Variants in VAV3 observed in about 807,000 individuals in gnomAD.
VAV3 encodes the protein guanine nucleotide exchange factor VAV3.
A neutral mutation model predicts 131.2 loss-of-function variants in VAV3; 94 were observed. The ratio of observed to expected loss-of-function variants is 0.72; its 90% CI spans 0.61 to 0.85. VAV3 has a LOEUF of 0.85. VAV3 is among the 40% of genes least tolerant of loss of function. The pLI is 0.00. For synonymous variants in VAV3, 349 were observed against 342.0 expected, an observed-to-expected ratio of 1.02 and a Z score of -0.22; for missense variants, 939 against 1,002.7, an observed-to-expected ratio of 0.94 and a Z score of 0.86.
chr1:107,702,492 C>A (rs562039008), intron 17 of VAV3, among the ~76,000 whole-genome samples: 98 of 152,216 alleles, frequency 6.4e-4, no homozygotes, highest in African/African-American at 2.2e-3. Context: ...AGGATTCAAA[C>A]AGACCAAGAC....
At chr1:107,750,627 A>G (rs1663659523) in intron 13 of VAV3, among the ~76,000 whole-genome samples, 1 of 152,136 alleles carries the variant, frequency 6.6e-6, no homozygotes, top group African/African-American at 2.4e-5. Flanking sequence ...TCAACCACAA[A>G]AACCTCTGTT....
intron 17 of VAV3, among the ~76,000 whole-genome samples, chr1:107,692,366 A>G (rs1659482836): frequency 6.6e-6 from 1 of 152,186 alleles, no homozygotes; most frequent in Non-Finnish European, 1.5e-5. Flanking sequence ...TCCAATTCAC[A>G]TTAATAATTA....
At chr1:107,842,010 A>G (rs1167932689) in intron 2 of VAV3, among the ~76,000 whole-genome samples, 1 of 152,190 alleles carries the variant, frequency 6.6e-6, no homozygotes. Flanking sequence ...AGACAGCATT[A>G]TTCTAGTTTC....
At chr1:107,701,062 C>CTT (rs35657301) in intron 17 of VAV3, among the ~76,000 whole-genome samples, 8 of 151,082 alleles carry the variant, frequency 5.3e-5, no homozygotes, top group South Asian at 2.1e-4. Flanking sequence ...TCATGTTGAG[C>CTT]TTTTTTTTTC....
intron 15 of VAV3, among the ~76,000 whole-genome samples, chr1:107,739,324 A>C (rs1662871492): frequency 6.6e-6 from 1 of 152,076 alleles, no homozygotes; most frequent in South Asian, 2.1e-4. Flanking sequence ...CTATTGAAAG[A>C]CTCCATTTCA....
At position 107,944,891 on chromosome 1, in the gene VAV3, C is replaced by T. The variant is rs1365947647; in HGVS notation, c.204+19775G>A. On this transcript the variant is annotated intron_variant, in intron 1 of 26. Transcript: ENST00000370056. ...AAAGTGCTAGGATTACAGGAATGAG[C>T]GACTGTGCCCAGCCACAAAATGCAG... 3.3e-5 allele frequency among the ~76,000 whole-genome samples: 5 copies of T among 152,294 alleles called. No homozygotes were observed. In the South Asian group the frequency reaches 8.3e-4, roughly 25 times the overall value.
intron 1 of VAV3, among the ~76,000 whole-genome samples, chr1:107,942,461 T>C (rs900579766): frequency 1.3e-5 from 2 of 152,148 alleles, no homozygotes; most frequent in Admixed American, 1.3e-4. Flanking sequence ...CTGAACCTGG[T>C]AAAAAAATTT....
intron 15 of VAV3, among the ~76,000 whole-genome samples, chr1:107,721,115 T>G (rs1007308585): frequency 1.5e-4 from 23 of 152,188 alleles, no homozygotes; most frequent in Admixed American, 2.6e-4. Context: ...GAGAATCCTT[T>G]ATGGTTTCAT....
chr1:107,851,014 G>C (rs1192068090), intron 2 of VAV3, among the ~76,000 whole-genome samples: 2 of 152,064 alleles, frequency 1.3e-5, no homozygotes, highest in Admixed American at 1.3e-4. Flanking sequence ...AGAAAGAGCA[G>C]CAGGGGCCCA....
At chr1:107,823,813 T>A (rs1351261376) in intron 2 of VAV3, among the ~76,000 whole-genome samples, 1 of 152,158 alleles carries the variant, frequency 6.6e-6, no homozygotes, top group Non-Finnish European at 1.5e-5. Context: ...GAGAGCTTGC[T>A]TGCTCCCTGT....
intron 25 of VAV3, among the ~76,000 whole-genome samples, chr1:107,591,168 T>A (rs1650921878): frequency 6.6e-6 from 1 of 152,114 alleles, no homozygotes. Context: ...TCCTTTAAGT[T>A]TAGCCTGACT....
intron 15 of VAV3, among the ~76,000 whole-genome samples, chr1:107,742,605 T>C (rs1457754860): frequency 1.3e-5 from 2 of 152,204 alleles, no homozygotes; most frequent in Non-Finnish European, 2.9e-5. Context: ...CCCAGAGCCT[T>C]ACTCACACCA....
At chr1:107,747,700 G>A (rs969663614) in intron 15 of VAV3, among the ~76,000 whole-genome samples, 1 of 152,096 alleles carries the variant, frequency 6.6e-6, no homozygotes, top group African/African-American at 2.4e-5. Flanking sequence ...CTATTTTACA[G>A]ATGAGGAAAC....
intron 19 of VAV3, among the ~76,000 whole-genome samples, chr1:107,665,199 T>C (rs774312591): frequency 6.6e-5 from 10 of 152,088 alleles, no homozygotes; most frequent in Non-Finnish European, 1.2e-4. Context: ...AGCTGACAAA[T>C]TGAATAATAA....
Position 107,749,065 on chromosome 1 carries a change from A to T in VAV3, c.1405T>A (p.Phe469Ile). The change falls in exon 15 of 27, where the codon TTC (phenylalanine) becomes ATC (isoleucine). Residue 469 changes from phenylalanine (F) to isoleucine (I), a missense_variant. Transcript: ENST00000370056. ...DKENKKWSYG[F>I]YLIHTQGQNG... Reference sequence around the variant, plus strand: ...TGTCCTTGGGTATGGATGAGGTAGAAGCCATAAGACCACTGTTAAAATTAA... The same window carrying T: ...TGTCCTTGGGTATGGATGAGGTAGATGCCATAAGACCACTGTTAAAATTAA... 1 of 1,602,710 alleles carries T rather than the reference A, an allele frequency of 6.2e-7. No homozygotes were observed. The highest frequency in any genetic ancestry group is 8.5e-7 in the Non-Finnish European group (1 of 1,173,624).
intron 15 of VAV3, among the ~76,000 whole-genome samples, chr1:107,707,551 T>C (rs1660528086): frequency 6.6e-6 from 1 of 152,222 alleles, no homozygotes. Flanking sequence ...TTGTGACTGG[T>C]AAAGAGTCCC....
At chr1:107,600,419 G>C (rs1195928807) in intron 24 of VAV3, among the ~76,000 whole-genome samples, 1 of 151,870 alleles carries the variant, frequency 6.6e-6, no homozygotes, top group Non-Finnish European at 1.5e-5. Flanking sequence ...AAAATTCTTA[G>C]TCCCTTCCCT....
chr1:107,911,641 T>C (rs1266484367), intron 1 of VAV3, among the ~76,000 whole-genome samples: 1 of 152,200 alleles, frequency 6.6e-6, no homozygotes, highest in Non-Finnish European at 1.5e-5. Flanking sequence ...TATGGGAAAA[T>C]GGGCCACCAT....
chr1:107,943,561 G>A (rs1205379650), intron 1 of VAV3, among the ~76,000 whole-genome samples: 2 of 152,270 alleles, frequency 1.3e-5, no homozygotes, highest in African/African-American at 4.8e-5. Context: ...GGCCAACATG[G>A]TGAAACCCCA....
Sources: gnomAD v4.1 joint callset for allele counts (sites outside exome capture counted in the v4.1 genomes callset) on GRCh38, gnomAD v4.1.1 for gene constraint, MANE v1.5 for transcripts, NCBI Gene and HGNC (gene_info 2026-07-23, HGNC 2026-07-21) for gene names.